CALD1: variants seen among roughly 807,000 people sequenced by gnomAD.
CALD1 encodes caldesmon.
In CALD1, 33 loss-of-function variants were observed where a neutral mutation model predicts 99.9. The ratio of observed to expected loss-of-function variants is 0.33; its 90% confidence interval spans 0.25 to 0.44. The LOEUF is 0.44. CALD1 is among the 20% of genes least tolerant of loss of function. The pLI is 1.00. For missense variants in CALD1, 861 were observed against 962.1 expected, an observed-to-expected ratio of 0.89 and a Z score of 1.39; for synonymous variants, 310 against 325.0, an observed-to-expected ratio of 0.95 and a Z score of 0.50.
chr7:134,881,250 A>C (rs1184500894), intron 3 of CALD1, among the ~76,000 whole-genome samples: 1 of 152,202 alleles, frequency 6.6e-6, no homozygotes, highest in Non-Finnish European at 1.5e-5. Flanking sequence ...AAGAGCACAC[A>C]GTCAGTGGCA....
chr7:134,808,029 C>T (rs778847215), intron 1 of CALD1, among the ~76,000 whole-genome samples: 1 of 152,228 alleles, frequency 6.6e-6, no homozygotes, highest in East Asian at 1.9e-4. Flanking sequence ...CTAAATTCTG[C>T]CACACATGAA....
At chr7:134,803,341 C>T (rs888358601) in intron 1 of CALD1, among the ~76,000 whole-genome samples, 6 of 151,860 alleles carry the variant, frequency 4.0e-5, no homozygotes, top group African/African-American at 1.5e-4. Flanking sequence ...CTTTTCATTT[C>T]CTTGATGCTG....
intron 1 of CALD1, among the ~76,000 whole-genome samples, chr7:134,843,527 A>G (rs1309864868): frequency 6.6e-6 from 1 of 152,238 alleles, no homozygotes; most frequent in Non-Finnish European, 1.5e-5. Flanking sequence ...TTTTCCACTT[A>G]TAACATTTTC....
intron 2 of CALD1, among the ~76,000 whole-genome samples, chr7:134,853,709 A>C (rs1159347448): frequency 2.0e-5 from 3 of 152,084 alleles, no homozygotes; most frequent in African/African-American, 7.2e-5. Context: ...TGAATTTTTT[A>C]TTTATTTATT....
intron 3 of CALD1, among the ~76,000 whole-genome samples, chr7:134,925,050 A>G (rs1288552210): frequency 7.9e-5 from 12 of 152,130 alleles, no homozygotes; most frequent in Non-Finnish European, 1.3e-4. Context: ...TAAGTTACCC[A>G]GTCTCGGGCA....
the CALD1 span, among the ~76,000 whole-genome samples, chr7:134,714,251 G>A: frequency 0.18 from 27,473 of 152,064 alleles, 2,509 homozygotes; most frequent in South Asian, 0.24. Context: ...ATAGCAGTGT[G>A]AGAATGGCCT....
intron 1 of CALD1, among the ~76,000 whole-genome samples, chr7:134,757,448 G>T (rs1796739571): frequency 6.6e-6 from 1 of 152,152 alleles, no homozygotes; most frequent in African/African-American, 2.4e-5. Context: ...TTGCAGGTCT[G>T]TGTTCCTTGA....
At chr7:134,741,998 A>G (rs1469500149), upstream of CALD1, among the ~76,000 whole-genome samples, 1 of 143,042 alleles carries the variant, frequency 7.0e-6, no homozygotes, top group Non-Finnish European at 1.5e-5. Context: ...CAGTAGCACT[A>G]GCACTATGAG....
intron 13 of CALD1, chr7:134,962,148 CA>C (rs1808316063): frequency 6.6e-6 from 1 of 151,956 alleles, no homozygotes; most frequent in Non-Finnish European, 1.5e-5. Context: ...ATTTTTGTAG[CA>C]GATTATACTC....
At chr7:134,730,565 T>C in the CALD1 span, among the ~76,000 whole-genome samples, 1 of 152,160 alleles carries the variant, frequency 6.6e-6, no homozygotes, top group Non-Finnish European at 1.5e-5. Context: ...AGATCATATC[T>C]CAAAAATGTC....
intron 3 of CALD1, among the ~76,000 whole-genome samples, chr7:134,903,143 G>T (rs183097690): frequency 1.3e-5 from 2 of 152,220 alleles, no homozygotes; most frequent in Non-Finnish European, 2.9e-5. Flanking sequence ...AAAGATGAGT[G>T]GTTTCTAGGC....
intron 1 of CALD1, among the ~76,000 whole-genome samples, chr7:134,753,009 CGA>C (rs749647123): frequency 9.6e-5 from 4 of 41,724 alleles, no homozygotes; most frequent in Admixed American, 3.7e-4. Context: ...GACTCTGTAT[CGA>C]AAAAAAAAAA....
chr7:134,798,066 A>G (rs1463281221), intron 1 of CALD1, among the ~76,000 whole-genome samples: 1 of 152,252 alleles, frequency 6.6e-6, no homozygotes, highest in African/African-American at 2.4e-5. Flanking sequence ...ATGCATTATT[A>G]TTAATGAAAG....
At chr7:134,868,155 A>G (rs759470742) in intron 3 of CALD1, 72 of 169,714 alleles carry the variant, frequency 4.2e-4, no homozygotes, top group Non-Finnish European at 8.1e-4. Flanking sequence ...AATGTCAAGT[A>G]TTGAATATTG....
intron 9 of CALD1, among the ~76,000 whole-genome samples, chr7:134,957,094 A>G (rs1015735290): frequency 2.0e-5 from 3 of 152,082 alleles, no homozygotes; most frequent in Non-Finnish European, 4.4e-5. Flanking sequence ...CACTTGGGCT[A>G]AGAGGGGCTT....
rs780632719 is a variant in CALD1, at chr7:134,867,708, G to T, written c.-26G>T. On this transcript the variant is annotated 5_prime_UTR_variant, in exon 3 of 15. Transcript: ENST00000361675. ...TCTCTTTCAGGTCCAGACATCATCT[G>T]GTCTCCCTGAACCTGAAATCACACC... The T allele has an allele frequency of 2.7e-6, 4 of 1,502,666 alleles. No homozygotes were observed. In the Admixed American group the frequency reaches 5.2e-5, roughly 20 times the overall value. 93.1% of individuals were successfully genotyped at this position (1,502,666 alleles called of 1,614,324 possible). A position where few individuals can be genotyped will look rare whatever the true frequency, so the allele number is the denominator to read the frequency against.
chr7:134,711,680 A>ATATATATATATGTG, the CALD1 span, among the ~76,000 whole-genome samples: 4 of 109,586 alleles, frequency 3.7e-5, no homozygotes, highest in African/African-American at 1.6e-4. Context: ...ATATATATAT[A>ATATATATATATGTG]TGTGTGTGTG....
chr7:134,811,879 T>C (rs986026343), intron 1 of CALD1, among the ~76,000 whole-genome samples: 5 of 152,052 alleles, frequency 3.3e-5, no homozygotes, highest in African/African-American at 4.8e-5. Context: ...ATCCAAAATA[T>C]GTGCTATTTT....
At chr7:134,796,573 TTTCA>T (rs1361648366) in intron 1 of CALD1, among the ~76,000 whole-genome samples, 1 of 152,042 alleles carries the variant, frequency 6.6e-6, no homozygotes, top group Non-Finnish European at 1.5e-5. Context: ...CCTTTCCTTC[TTTCA>T]TTTTTATTTA....
Sources: allele counts gnomAD v4.1 joint callset (sites outside exome capture counted in the v4.1 genomes callset), GRCh38; gene constraint gnomAD v4.1.1; transcripts MANE v1.5; gene names NCBI Gene and HGNC (gene_info 2026-07-23, HGNC 2026-07-21).